SLC38A1: variants seen among roughly 807,000 people sequenced by gnomAD.
SLC38A1 encodes the protein solute carrier family 38 member 1.
In SLC38A1, 18 loss-of-function variants were observed where a neutral mutation model predicts 60.3. The observed-to-expected ratio is 0.30, with a 90% CI of 0.21 to 0.44. The LOEUF (loss-of-function observed/expected upper bound fraction) is 0.44, where lower values mean the gene tolerates loss of function less well. Ranked by LOEUF, SLC38A1 falls within the 20% of genes least tolerant of loss-of-function variation. The probability of loss-of-function intolerance (pLI) is 1.00; values close to 1 mark genes in which losing one functional copy is unlikely to be tolerated. For synonymous variants in SLC38A1, 196 were observed against 212.1 expected (o/e 0.92, Z 0.66); for missense variants, 448 against 587.2 (o/e 0.76, Z 2.45).
chr12:46,226,810 T>G (rs1940884267), intron 5 of SLC38A1, among the ~76,000 whole-genome samples: 1 of 151,530 alleles, frequency 6.6e-6, no homozygotes, highest in South Asian at 2.1e-4. Context: ...AGAGACGGGG[T>G]TTCACCATGT....
At chr12:46,246,333 A>G (rs1189943069) in intron 1 of SLC38A1, among the ~76,000 whole-genome samples, 1 of 152,266 alleles carries the variant, frequency 6.6e-6, no homozygotes, top group African/African-American at 2.4e-5. Flanking sequence ...GGTCTTAGCA[A>G]ACAGCAAACC....
At chr12:46,190,650 T>A (rs562132986) in intron 16 of SLC38A1, among the ~76,000 whole-genome samples, 2 of 152,374 alleles carry the variant, frequency 1.3e-5, no homozygotes, top group South Asian at 4.1e-4. Flanking sequence ...AGATGGTATC[T>A]CATTGTGGTT....
rs895353570 is a variant in SLC38A1 at position 46,229,682 on chromosome 12, T to G, written c.123-43A>C. The G allele has an allele frequency of 2.0e-6, 3 of 1,502,350 alleles. No homozygotes were observed. In the African/African-American group the frequency reaches 4.1e-5, roughly 21 times the overall value. The allele number at this position is 1,502,350 out of a possible 1,614,324, so 93.1% of individuals were successfully genotyped here. ...ATATATTTAACCTTATGATAATGAT[T>G]TGAAGCTTGACATCTTTACTAAATG... On this transcript the variant is annotated intron_variant, in intron 3 of 16. Transcript: ENST00000398637.
intron 5 of SLC38A1, among the ~76,000 whole-genome samples, chr12:46,222,784 C>A (rs1940709773): frequency 6.6e-6 from 1 of 152,152 alleles, no homozygotes; most frequent in Admixed American, 6.6e-5. Context: ...CATGCAGGAA[C>A]CCACATGACA....
At chr12:46,207,915 A>C (rs1939981108) in intron 6 of SLC38A1, among the ~76,000 whole-genome samples, 1 of 152,206 alleles carries the variant, frequency 6.6e-6, no homozygotes, top group Non-Finnish European at 1.5e-5. Context: ...CTATCTTACA[A>C]AGGGGAAATT....
At chr12:46,223,954 T>A (rs1940764308) in intron 5 of SLC38A1, among the ~76,000 whole-genome samples, 1 of 152,230 alleles carries the variant, frequency 6.6e-6, no homozygotes, top group Non-Finnish European at 1.5e-5. Flanking sequence ...GAGATTAATT[T>A]CCTGTAAAAT....
chr12:46,248,622 G>A (rs994124753), intron 1 of SLC38A1, among the ~76,000 whole-genome samples: 5 of 152,040 alleles, frequency 3.3e-5, no homozygotes, highest in Admixed American at 2.6e-4. Flanking sequence ...CGAGACAGAA[G>A]GTTAACAAGG....
chr12:46,184,123 T>A lies in SLC38A1; in HGVS notation c.*4847A>T, dbSNP rs146003865. The A allele has an allele frequency of 3.3e-5, 5 of 152,732 alleles. No homozygotes were observed. Among genetic ancestry groups the A allele is most frequent in the African/African-American group, 4.8e-5 (2 of 41,572 alleles). The allele number at this position is 152,732 out of a possible 1,614,324, so 9.5% of individuals were successfully genotyped here. On this transcript the variant is annotated 3_prime_UTR_variant, in exon 17 of 17. Transcript: ENST00000398637. ...CCCAGTTTCATAGCCCTTCCTTAGA[T>A]AAAAGCCTAAAGAAGGAAAATGTCT...
intron 3 of SLC38A1, among the ~76,000 whole-genome samples, chr12:46,233,169 C>A (rs537047785): frequency 2.0e-5 from 3 of 152,092 alleles, no homozygotes; most frequent in African/African-American, 7.2e-5. Flanking sequence ...CGGGCACACA[C>A]CACCACACCC....
Position 46,198,683 on chromosome 12 carries a change from GTCA to G in SLC38A1, c.1061_1063del (p.Leu354_Thr355delinsPro). On this transcript the variant is annotated inframe_deletion, in exon 14 of 17. Coordinates refer to ENST00000398637, the MANE Select transcript of SLC38A1 (RefSeq NM_030674.4). ...AGCAACAATGACAGCCAGCCGCACT[GTCA>G]GGATGAGAATGTCATCTTTACTCTG... 1 of 1,613,718 alleles carries G rather than the reference GTCA, an allele frequency of 6.2e-7. No homozygotes were observed. The highest frequency in any genetic ancestry group is 1.1e-5 in the South Asian group (1 of 91,022).
intron 1 of SLC38A1, among the ~76,000 whole-genome samples, chr12:46,257,442 T>G (rs1942068030): frequency 6.6e-6 from 1 of 152,174 alleles, no homozygotes; most frequent in Non-Finnish European, 1.5e-5. Context: ...CCTCTCTGTC[T>G]TAGGAGAAAC....
chr12:46,190,170 G>C (rs1270631529), intron 16 of SLC38A1, among the ~76,000 whole-genome samples: 1 of 152,086 alleles, frequency 6.6e-6, no homozygotes, highest in Non-Finnish European at 1.5e-5. Context: ...TCCCACCTAT[G>C]AGTGAAAACA....
At chr12:46,194,538 G>C (rs1334635253) in intron 16 of SLC38A1, among the ~76,000 whole-genome samples, 2 of 152,102 alleles carry the variant, frequency 1.3e-5, no homozygotes, top group African/African-American at 4.8e-5. Context: ...TTCTAACTTG[G>C]ATCCATTCTC....
chr12:46,200,067 AACAAG>A (rs1378745144), intron 13 of SLC38A1, among the ~76,000 whole-genome samples: 3 of 152,234 alleles, frequency 2.0e-5, no homozygotes, highest in Non-Finnish European at 2.9e-5. Flanking sequence ...TTATAGCTTC[AACAAG>A]ACAACAGTGA....
chr12:46,268,683 G>C lies in SLC38A1; in HGVS notation c.-366C>G, dbSNP rs891837904. 2 of 290,068 alleles carry C rather than the reference G, an allele frequency of 6.9e-6. No homozygotes were observed. The highest frequency in any genetic ancestry group is 2.2e-5 in the African/African-American group (1 of 45,084). The allele number at this position is 290,068 out of a possible 1,614,324, so 18.0% of individuals were successfully genotyped here. A position where few individuals can be genotyped will look rare whatever the true frequency, so the allele number is the denominator to read the frequency against. ...CAGTAAGGGTTGGGCAGGGAGCTTG[G>C]CGTGGCCTGGCGGATTTCGGAGGAA... On this transcript the variant is annotated 5_prime_UTR_variant, in exon 1 of 17. Transcript: ENST00000398637. The surrounding 1 kb of genome is among the most constrained non-coding windows in gnomAD (Gnocchi z 4.4).
intron 1 of SLC38A1, among the ~76,000 whole-genome samples, chr12:46,252,521 C>A (rs1941885509): frequency 6.6e-6 from 1 of 151,250 alleles, no homozygotes; most frequent in Admixed American, 6.6e-5. Context: ...TATATTCATT[C>A]TTTATTAATA....
intron 12 of SLC38A1, among the ~76,000 whole-genome samples, chr12:46,202,356 C>T (rs771723295): frequency 2.6e-5 from 4 of 151,934 alleles, no homozygotes; most frequent in African/African-American, 7.3e-5. Context: ...CTGATATTGT[C>T]GATCTTTTCT....
At chr12:46,199,305 CTTTGTG>C (rs1200092018) in intron 13 of SLC38A1, among the ~76,000 whole-genome samples, 14 of 112,550 alleles carry the variant, frequency 1.2e-4, no homozygotes, top group Non-Finnish European at 2.3e-4. Context: ...TTATGTACTA[CTTTGTG>C]TGTGTGTGTG....
chr12:46,239,647 C>T lies in SLC38A1; in HGVS notation c.122+32G>A, dbSNP rs1226000419. On this transcript the variant is annotated intron_variant, in intron 3 of 16. Coordinates refer to ENST00000398637, the MANE Select transcript of SLC38A1 (RefSeq NM_030674.4). Reference sequence around the variant, plus strand: ...TGTGAGCCACGAGCCATTTCTTTCACTGGATAGAAATGTTAGTGGAAAAAT... The same window carrying T: ...TGTGAGCCACGAGCCATTTCTTTCATTGGATAGAAATGTTAGTGGAAAAAT... The T allele has an allele frequency of 3.1e-6, 5 of 1,610,954 alleles. No individual in the cohort carries two copies. In the South Asian group the frequency reaches 3.3e-5, roughly 11 times the overall value.
Sources: gnomAD v4.1 joint callset for allele counts (sites outside exome capture counted in the v4.1 genomes callset) on GRCh38, gnomAD v4.1.1 for gene constraint, Gnocchi (gnomAD v3.1) non-coding constraint, MANE v1.5 for transcripts, NCBI Gene and HGNC (gene_info 2026-07-23, HGNC 2026-07-21) for gene names.